STAT5B: variants seen among roughly 807,000 people sequenced by gnomAD.
The protein encoded by STAT5B is transcription factor STAT5B.
A neutral mutation model predicts 107.8 loss-of-function variants in STAT5B; 21 were observed. The ratio of observed to expected loss-of-function variants is 0.19; its 90% confidence interval spans 0.14 to 0.28. The LOEUF is 0.28. STAT5B is among the 10% of genes least tolerant of loss of function. The probability of loss-of-function intolerance (pLI) is 1.00; values close to 1 mark genes in which losing one functional copy is unlikely to be tolerated. For synonymous variants in STAT5B, 325 were observed against 401.7 expected, an observed-to-expected ratio of 0.81 and a Z score of 2.28; for missense variants, 565 against 1,008.2, an observed-to-expected ratio of 0.56 and a Z score of 5.95.
rs2144188377 is a variant in STAT5B at position 42,200,743 on chromosome 17, G to C, written c.*995C>G. ...GAGAAAACAAAAAAGATCCAACTTA[G>C]AAACAGAACCATGATTCAACATTTG... On this transcript the variant is annotated 3_prime_UTR_variant, in exon 19 of 19. Coordinates refer to ENST00000293328, the MANE Select transcript of STAT5B (RefSeq NM_012448.4). 2 of 227,668 alleles carry C rather than the reference G, an allele frequency of 8.8e-6. No homozygotes were observed. Among genetic ancestry groups the C allele is most frequent in the South Asian group, 3.7e-4 (2 of 5,468 alleles). The allele number at this position is 227,668 out of a possible 1,614,324, so 14.1% of individuals were successfully genotyped here.
chr17:42,205,121 G>A (rs1383841760), intron 16 of STAT5B, among the ~76,000 whole-genome samples: 7 of 152,168 alleles, frequency 4.6e-5, no homozygotes, highest in African/African-American at 9.6e-5. Context: ...TCCGCCTCCC[G>A]GGTTCAAGTG....
chr17:42,253,254 T>A (rs1014659384), intron 1 of STAT5B, among the ~76,000 whole-genome samples: 3 of 152,198 alleles, frequency 2.0e-5, no homozygotes, highest in African/African-American at 7.2e-5. Context: ...TGTATTTCCA[T>A]GTAGCAAAGT....
chr17:42,278,508 G>T (rs2080781658), upstream of STAT5B, among the ~76,000 whole-genome samples: 1 of 151,988 alleles, frequency 6.6e-6, no homozygotes, highest in Admixed American at 6.6e-5. Flanking sequence ...GAGGTCAAGG[G>T]TGTGATGATT....
chr17:42,261,103 C>G (rs1265729672), intron 1 of STAT5B, among the ~76,000 whole-genome samples: 1 of 151,840 alleles, frequency 6.6e-6, no homozygotes, highest in Non-Finnish European at 1.5e-5. Flanking sequence ...GAGACAGGGT[C>G]TCACCAAGCG....
upstream of STAT5B, among the ~76,000 whole-genome samples, chr17:42,279,233 A>G (rs894944164): frequency 6.6e-6 from 1 of 152,118 alleles, no homozygotes; most frequent in Admixed American, 6.5e-5. Flanking sequence ...GACTCTGTCA[A>G]TTCCTTGAGC....
In STAT5B at chr17:42,201,529, C is replaced by T. The variant is rs991106669; in HGVS notation, c.*209G>A. The stretch of plus-strand genomic sequence containing the variant: ...ACACCATAACGTGCAAACACGCACA[C>T]ACACACACACACACACACACACACA... On this transcript the variant is annotated 3_prime_UTR_variant, in exon 19 of 19. Coordinates refer to ENST00000293328, the MANE Select transcript of STAT5B (RefSeq NM_012448.4). The T allele has an allele frequency of 1.6e-5, 9 of 576,542 alleles. No homozygotes were observed. Among genetic ancestry groups the T allele is most frequent in the Non-Finnish European group, 2.5e-5 (8 of 317,156 alleles). 35.7% of individuals were successfully genotyped at this position (576,542 alleles called of 1,614,324 possible).
chr17:42,217,021 G>T, intron 11 of STAT5B, 139 bp downstream of exon 11: 1 of 1,439,864 alleles, frequency 6.9e-7, no homozygotes, highest in Non-Finnish European at 9.4e-7. Context: ...CAGTTCTCAG[G>T]GTGAGGTCAG....
chr17:42,262,841 TA>T lies in STAT5B; in HGVS notation c.-11+13406del, dbSNP rs1248743227. On this transcript the variant is annotated intron_variant, in intron 1 of 18. Transcript: ENST00000293328. Reference sequence around the variant, plus strand: ...ATATATATGTGTATATATACACACATATATATGTATATACACACATATATGT... The same window carrying T: ...ATATATATGTGTATATATACACACATTATATGTATATACACACATATATGT... Among the ~76,000 whole-genome samples, 8 of 101,790 alleles carry T rather than the reference TA, an allele frequency of 7.9e-5. 1 individual carries two copies. Among genetic ancestry groups the T allele is most frequent in the Non-Finnish European group, 1.1e-4 (6 of 52,330 alleles). The allele number at this position is 101,790 out of a possible 152,430, so 66.8% of individuals were successfully genotyped here.
At chr17:42,276,522 C>T (rs1186590497), upstream of STAT5B, 1 of 151,100 alleles carries the variant, frequency 6.6e-6, no homozygotes, top group Non-Finnish European at 1.5e-5. This position sits in a 1 kb window ranked among gnomAD's most constrained non-coding sequence, Gnocchi z 4.8. Flanking sequence ...CGCTAGCCCG[C>T]TGTCCCTCGC....
intron 1 of STAT5B, chr17:42,270,872 C>CT (rs2080717425): frequency 6.6e-6 from 1 of 152,250 alleles, no homozygotes; most frequent in Admixed American, 6.5e-5. Flanking sequence ...ACCCACTCCT[C>CT]TGAGAATCAC....
chr17:42,240,078 G>A (rs906923482), intron 1 of STAT5B, among the ~76,000 whole-genome samples: 1 of 152,348 alleles, frequency 6.6e-6, no homozygotes, highest in Admixed American at 6.5e-5. Flanking sequence ...AGGTTGCAGT[G>A]AGCCGAGATC....
intron 1 of STAT5B, among the ~76,000 whole-genome samples, chr17:42,248,999 C>T (rs1045282996): frequency 1.3e-5 from 2 of 152,174 alleles, no homozygotes; most frequent in Non-Finnish European, 1.5e-5. Flanking sequence ...GCTTTTTCAA[C>T]GTGGTGGAAG....
intron 13 of STAT5B, 87 bp from the exon 14 acceptor site, chr17:42,210,584 G>A: frequency 8.2e-7 from 1 of 1,223,434 alleles, no homozygotes; most frequent in Non-Finnish European, 1.2e-6. Context: ...AATTAAATGG[G>A]AAACAAACAT....
At chr17:42,215,832 G>C (rs113210766) in intron 12 of STAT5B, among the ~76,000 whole-genome samples, 182 bp downstream of exon 12, 2,105 of 152,222 alleles carry the variant, frequency 0.014, 43 homozygotes, top group African/African-American at 0.049. Flanking sequence ...ATGTTGGCCA[G>C]GCTGGTCTCG....
chr17:42,263,270 T>C (rs1383105450), intron 1 of STAT5B, among the ~76,000 whole-genome samples: 1 of 151,514 alleles, frequency 6.6e-6, no homozygotes, highest in Non-Finnish European at 1.5e-5. Context: ...GTTCAAATTA[T>C]TTAAACTCTA....
chr17:42,235,153 C>A (rs1464257930), intron 1 of STAT5B: 1 of 152,182 alleles, frequency 6.6e-6, no homozygotes, highest in African/African-American at 2.4e-5. Flanking sequence ...TCAAATAAAA[C>A]GGCATTCTGG....
At chr17:42,273,697 T>C (rs981604911) in intron 1 of STAT5B, among the ~76,000 whole-genome samples, 1 of 152,234 alleles carries the variant, frequency 6.6e-6, no homozygotes, top group African/African-American at 2.4e-5. Context: ...GCATGTTATT[T>C]ACCTATCTAT....
rs891781971 is a variant in STAT5B at position 42,238,531 on chromosome 17, T to C, written c.-10-6394A>G. Among the ~76,000 whole-genome samples the C allele has an allele frequency of 9.4e-5, 14 of 149,306 alleles. 1 individual carries two copies. The highest frequency in any genetic ancestry group is 2.7e-4 in the African/African-American group (11 of 40,366). On this transcript the variant is annotated intron_variant, in intron 1 of 18. Transcript: ENST00000293328. ...GTGCAGTGGCGTGACCTGGGCTCAC[T>C]GCAACCTCCGCCTCCCGGGTTTAAG... is the stretch of plus-strand genomic sequence containing the variant.
chr17:42,263,937 C>A (rs1295031535), intron 1 of STAT5B, among the ~76,000 whole-genome samples: 1 of 150,502 alleles, frequency 6.6e-6, no homozygotes, highest in African/African-American at 2.5e-5. Context: ...CAGAAGAAAT[C>A]TTTTTTCAGC....
Sources: allele counts gnomAD v4.1 joint callset (sites outside exome capture counted in the v4.1 genomes callset), GRCh38; gene constraint gnomAD v4.1.1; non-coding constraint Gnocchi (gnomAD v3.1); transcripts MANE v1.5; gene names NCBI Gene and HGNC (gene_info 2026-07-23, HGNC 2026-07-21).